The following GPC3 variants were observed in gnomAD, a reference collection of about 807,000 sequenced individuals.
GPC3 encodes the protein glypican-3.
In GPC3, 3 loss-of-function variants were observed where a neutral mutation model predicts 34.4. The ratio of observed to expected loss-of-function variants is 0.09; its 90% CI spans 0.04 to 0.23. GPC3 has a LOEUF of 0.23. GPC3 is among the 10% of genes least tolerant of loss of function. The probability of loss-of-function intolerance (pLI) is 1.00; values close to 1 mark genes in which losing one functional copy is unlikely to be tolerated. For synonymous variants in GPC3, 177 were observed against 174.0 expected (o/e 1.02, Z -0.13); for missense variants, 351 against 445.6 (o/e 0.79, Z 1.91).
At chrX:133,702,853 T>C (rs1408821649) in intron 3 of GPC3, among the ~76,000 whole-genome samples, 2 of 112,154 alleles carry the variant, frequency 1.8e-5, no homozygotes, top group Non-Finnish European at 3.8e-5. Flanking sequence ...AAATCTACCA[T>C]GAAGCAAATT....
chrX:133,608,102 G>C (rs1292013733), intron 6 of GPC3, among the ~76,000 whole-genome samples: 1 of 112,529 alleles, frequency 8.9e-6, no homozygotes, highest in Non-Finnish European at 1.9e-5. Context: ...ATAAAGGCTG[G>C]ACCTGAGATT....
intron 7 of GPC3, among the ~76,000 whole-genome samples, chrX:133,550,292 G>A (rs982599185): frequency 1.8e-5 from 2 of 111,072 alleles, no homozygotes; most frequent in Non-Finnish European, 1.9e-5. Flanking sequence ...TGGGATTACA[G>A]GAGTGAGCCA....
intron 2 of GPC3, among the ~76,000 whole-genome samples, chrX:133,802,146 T>A (rs2075613013): frequency 8.9e-6 from 1 of 111,807 alleles, no homozygotes; most frequent in African/African-American, 3.3e-5. Context: ...TTAACTTTTT[T>A]GAAGGTCTGG....
chrX:133,681,754 TCCAAGTC>T (rs1388865858), intron 5 of GPC3, among the ~76,000 whole-genome samples: 2 of 111,961 alleles, frequency 1.8e-5, no homozygotes, highest in Non-Finnish European at 3.8e-5. Flanking sequence ...TGCTTCACAC[TCCAAGTC>T]CCAAGAGTCC....
At chrX:133,753,086 A>G (rs1190379647) in intron 3 of GPC3, among the ~76,000 whole-genome samples, 2 of 112,115 alleles carry the variant, frequency 1.8e-5, no homozygotes, top group Non-Finnish European at 3.8e-5. Context: ...ATTGTGTATC[A>G]ATAATGAGGA....
chrX:133,701,082 G>A (rs1342760045), intron 3 of GPC3, among the ~76,000 whole-genome samples: 2 of 109,442 alleles, frequency 1.8e-5, no homozygotes, highest in Non-Finnish European at 3.8e-5. Flanking sequence ...GATATCTCTC[G>A]CTAAAGCTGA....
At chrX:133,727,922 A>G (rs2071425835) in intron 3 of GPC3, among the ~76,000 whole-genome samples, 1 of 112,701 alleles carries the variant, frequency 8.9e-6, no homozygotes, top group Non-Finnish European at 1.9e-5. Flanking sequence ...GTTAAAGGAA[A>G]GGCATTTGTC....
At chrX:133,937,007 G>A (rs1317233022) in intron 2 of GPC3, among the ~76,000 whole-genome samples, 1 of 110,871 alleles carries the variant, frequency 9.0e-6, no homozygotes, top group African/African-American at 3.3e-5. Context: ...GGTTCTTCCA[G>A]GCAGACAGAC....
intron 6 of GPC3, among the ~76,000 whole-genome samples, chrX:133,655,289 G>T (rs752987381): frequency 9.0e-6 from 1 of 111,366 alleles, no homozygotes. Context: ...AGTGACAGAA[G>T]ATTTTTTAAT....
chrX:133,869,658 T>A, intron 2 of GPC3, among the ~76,000 whole-genome samples: 1 of 111,308 alleles, frequency 9.0e-6, no homozygotes, highest in Admixed American at 9.5e-5. Context: ...CTTCTAAGAG[T>A]ACTGGGTGGC....
chrX:133,749,096 A>C (rs1175401120), intron 3 of GPC3, among the ~76,000 whole-genome samples: 3 of 110,983 alleles, frequency 2.7e-5, no homozygotes, highest in African/African-American at 9.8e-5. Flanking sequence ...CGTCTCTACA[A>C]AAAAAATACA....
intron 2 of GPC3, among the ~76,000 whole-genome samples, chrX:133,931,694 T>C (rs1423476399): frequency 1.8e-5 from 2 of 111,807 alleles, no homozygotes; most frequent in Non-Finnish European, 3.8e-5. Context: ...TTATTCCTGA[T>C]TATTATTAAC....
At chrX:133,549,552 G>C (rs1433780284) in intron 7 of GPC3, among the ~76,000 whole-genome samples, 21 of 110,063 alleles carry the variant, frequency 1.9e-4, no homozygotes, top group African/African-American at 6.6e-4. Flanking sequence ...TGCTGAAAAT[G>C]CCAAGCACTC....
intron 3 of GPC3, among the ~76,000 whole-genome samples, chrX:133,703,179 A>G (rs1356122432): frequency 8.9e-6 from 1 of 111,842 alleles, no homozygotes; most frequent in Non-Finnish European, 1.9e-5. Context: ...AGGCTCTTAA[A>G]TAAGAAGTGG....
At position 133,968,174 on chromosome X, in the gene GPC3, G is replaced by A. The variant is rs116618862; in HGVS notation, c.176-14963C>T. 4.0e-3 allele frequency among the ~76,000 whole-genome samples: 452 copies of A among 112,395 alleles called. 5 individuals carry two copies. The highest frequency in any genetic ancestry group is 0.013 in the African/African-American group (401 of 30,956). ...CAGGCTGCTGGGCTGCCTTCGTGAC[G>A]TAGCATTCCCACAGGTTCAAGCCAC... On this transcript the variant is annotated intron_variant, in intron 1 of 7. Transcript: ENST00000370818.
chrX:133,833,456 A>G (rs1473919336), intron 2 of GPC3, among the ~76,000 whole-genome samples: 1 of 111,634 alleles, frequency 9.0e-6, no homozygotes, highest in Admixed American at 9.5e-5. Flanking sequence ...AGAGTATATG[A>G]TACATTGCCT....
chrX:133,642,802 GAAAGGA>G (rs1422228891), intron 6 of GPC3, among the ~76,000 whole-genome samples: 7 of 101,487 alleles, frequency 6.9e-5, no homozygotes, highest in Admixed American at 1.1e-4. Context: ...AAGAAAGAAA[GAAAGGA>G]AAAGAAAAAG....
At chrX:133,914,591 T>A (rs1458284310) in intron 2 of GPC3, among the ~76,000 whole-genome samples, 1 of 111,093 alleles carries the variant, frequency 9.0e-6, no homozygotes, top group Non-Finnish European at 1.9e-5. Context: ...ATCCTGACTC[T>A]GCCCCATCCA....
At chrX:133,653,037 G>A (rs752211005) in intron 6 of GPC3, among the ~76,000 whole-genome samples, 2 of 111,969 alleles carry the variant, frequency 1.8e-5, no homozygotes, top group Non-Finnish European at 3.8e-5. Context: ...GTTCATTTTA[G>A]AAAGTGGCTG....
Sources: allele counts gnomAD v4.1 joint callset (sites outside exome capture counted in the v4.1 genomes callset), GRCh38; gene constraint gnomAD v4.1.1; transcripts MANE v1.5; gene names NCBI Gene and HGNC (gene_info 2026-07-23, HGNC 2026-07-21).